Variants in AGBL3 observed in about 807,000 individuals in gnomAD.
The protein encoded by AGBL3 is cytosolic carboxypeptidase 3.
Under a neutral mutation model 94.5 loss-of-function variants are expected in AGBL3, and 68 were observed. The ratio of observed to expected loss-of-function variants is 0.72; its 90% CI spans 0.59 to 0.88. AGBL3 has a LOEUF of 0.88. AGBL3 is among the 40% of genes least tolerant of loss of function. AGBL3 has a pLI of 0.00. For synonymous variants in AGBL3, 354 were observed against 370.7 expected (o/e 0.95, Z 0.52); for missense variants, 934 against 1,103.8 (o/e 0.85, Z 2.18).
At chr7:135,060,078 C>T (rs1190625319) in intron 12 of AGBL3, among the ~76,000 whole-genome samples, 2 of 152,108 alleles carry the variant, frequency 1.3e-5, no homozygotes. Context: ...GTTGAAAACC[C>T]GGAGTACACA....
At chr7:135,057,280 A>C (rs1818422584) in intron 11 of AGBL3, among the ~76,000 whole-genome samples, 1 of 152,176 alleles carries the variant, frequency 6.6e-6, no homozygotes, top group Non-Finnish European at 1.5e-5. Context: ...TAGATGTAAA[A>C]TACAAAACTA....
intron 11 of AGBL3, among the ~76,000 whole-genome samples, chr7:135,046,601 A>C (rs1225263855): frequency 6.6e-6 from 1 of 152,016 alleles, no homozygotes; most frequent in Non-Finnish European, 1.5e-5. Context: ...GGCTTCTTTC[A>C]CTTAGTAATA....
At chr7:134,995,640 T>G (rs563382980) in intron 4 of AGBL3, 1 of 152,320 alleles carries the variant, frequency 6.6e-6, no homozygotes, top group South Asian at 2.1e-4. Flanking sequence ...TTCAGATATC[T>G]TACATAATGA....
At chr7:134,990,403 T>C (rs1810084422) in intron 3 of AGBL3, among the ~76,000 whole-genome samples, 1 of 152,238 alleles carries the variant, frequency 6.6e-6, no homozygotes, top group Non-Finnish European at 1.5e-5. Flanking sequence ...TCTTGAGATT[T>C]ATCCATGTTG....
intron 11 of AGBL3, among the ~76,000 whole-genome samples, chr7:135,055,946 A>G (rs1818309495): frequency 6.6e-6 from 1 of 151,958 alleles, no homozygotes. Context: ...ATATAGATCT[A>G]TATATCTATC....
Position 135,122,897 on chromosome 7 carries a change from G to A in AGBL3, c.2342+7286G>A, listed in dbSNP as rs184450297. 6.6e-5 allele frequency among the ~76,000 whole-genome samples: 10 copies of A among 152,170 alleles called. No individual in the cohort carries two copies. The East Asian group carries it at 1.4e-3, about 21-fold the overall frequency. On this transcript the variant is annotated intron_variant, in intron 16 of 16. Transcript: ENST00000436302. ...AGAAAAACCCCATCCAAGGATCAGC[G>A]CCTCAAAGATCAAAACTAGACAAAC...
At chr7:135,132,627 T>C (rs890975848) in intron 16 of AGBL3, among the ~76,000 whole-genome samples, 9 of 152,302 alleles carry the variant, frequency 5.9e-5, no homozygotes, top group African/African-American at 1.2e-4. Flanking sequence ...GTGGAGATAA[T>C]TGAATCACGG....
At chr7:135,045,004 A>G (rs576468927) in intron 9 of AGBL3, among the ~76,000 whole-genome samples, 1 of 141,914 alleles carries the variant, frequency 7.0e-6, no homozygotes, top group South Asian at 2.4e-4. Context: ...GAGAATGATG[A>G]TTTCCAATTT....
chr7:135,092,530 A>G (rs1265101318), intron 15 of AGBL3: 2 of 152,194 alleles, frequency 1.3e-5, no homozygotes, highest in East Asian at 3.8e-4. Context: ...TTGTAATAGT[A>G]AGTGGTTGTG....
At chr7:135,061,331 T>C (rs964555836) in intron 12 of AGBL3, among the ~76,000 whole-genome samples, 2 of 151,842 alleles carry the variant, frequency 1.3e-5, no homozygotes, top group South Asian at 2.1e-4. Flanking sequence ...CCCATCCCAT[T>C]AGATGTCTCA....
chr7:135,058,564 T>A (rs972155010), intron 11 of AGBL3, among the ~76,000 whole-genome samples: 1 of 152,006 alleles, frequency 6.6e-6, no homozygotes, highest in African/African-American at 2.4e-5. Flanking sequence ...AAATCTTGAG[T>A]GCCTACTATA....
chr7:135,010,705 A>G (rs1336202306), intron 4 of AGBL3: 3 of 152,182 alleles, frequency 2.0e-5, no homozygotes, highest in Admixed American at 6.5e-5. Context: ...TGTTATTGCA[A>G]CTTTTCTGTA....
intron 15 of AGBL3, among the ~76,000 whole-genome samples, chr7:135,096,461 C>T (rs1029045124): frequency 2.0e-5 from 3 of 148,946 alleles, no homozygotes; most frequent in African/African-American, 5.0e-5. Context: ...TTTAATGACT[C>T]GTGGAAGAAC....
intron 4 of AGBL3, among the ~76,000 whole-genome samples, chr7:135,006,885 T>A (rs1278587114): frequency 6.6e-6 from 1 of 151,842 alleles, no homozygotes; most frequent in Non-Finnish European, 1.5e-5. Flanking sequence ...TAATTATCAA[T>A]TAGATGAGAA....
intron 6 of AGBL3, among the ~76,000 whole-genome samples, chr7:135,033,239 C>T (rs1815960689): frequency 6.6e-6 from 1 of 152,166 alleles, no homozygotes; most frequent in African/African-American, 2.4e-5. Flanking sequence ...GTCACACACA[C>T]AGTGCTTCTC....
rs542613555 is a variant in AGBL3 at position 135,061,417 on chromosome 7, C to CT, written c.1908+2186dup. 2.0e-4 allele frequency among the ~76,000 whole-genome samples: 31 copies of CT among 152,068 alleles called. No homozygotes were observed. The South Asian group carries it at 6.4e-3, about 32-fold the overall frequency. On this transcript the variant is annotated intron_variant, in intron 12 of 16. Transcript: ENST00000436302. ...TAATCCCATGTATCTGCTGCTTTTG[C>CT]TTTTGTTGCCTGTGTTTTCAAGTTC...
Position 135,032,848 on chromosome 7 carries a change from C to T in AGBL3, c.423C>T (p.Tyr141=). 2 of 1,545,940 alleles carry T rather than the reference C, an allele frequency of 1.3e-6. No individual in the cohort carries two copies. Among genetic ancestry groups the T allele is most frequent in the Non-Finnish European group, 8.7e-7 (1 of 1,144,884 alleles). Residue 141 remains tyrosine (Y), a synonymous_variant, in exon 6 of 17, where the codon TAC becomes TAT. Transcript: ENST00000436302. The stretch of plus-strand genomic sequence containing the variant: ...ATGATCTTCTTCTCTCATCAGCTTA[C>T]AAAGAGCCCTGTTTTGTGTATTCCC... ...ATVVYLAEDA[Y]KEPCFVYSRV... is the part of the protein sequence containing the mutation.
At chr7:135,018,954 C>G (rs1814115419) in intron 5 of AGBL3, among the ~76,000 whole-genome samples, 1 of 152,144 alleles carries the variant, frequency 6.6e-6, no homozygotes, top group Non-Finnish European at 1.5e-5. Context: ...ATATGGAATA[C>G]TTCCATCACC....
intron 15 of AGBL3, among the ~76,000 whole-genome samples, chr7:135,084,140 T>G (rs1821145690): frequency 6.6e-6 from 1 of 152,142 alleles, no homozygotes; most frequent in Non-Finnish European, 1.5e-5. Flanking sequence ...CAAACCTGTT[T>G]CATCCTGAAT....
Sources: gnomAD v4.1 joint callset for allele counts (sites outside exome capture counted in the v4.1 genomes callset) on GRCh38, gnomAD v4.1.1 for gene constraint, MANE v1.5 for transcripts, NCBI Gene and HGNC (gene_info 2026-07-23, HGNC 2026-07-21) for gene names.